RAB28: variants seen among roughly 807,000 people sequenced by gnomAD.
RAB28 encodes RAB28, member RAS oncogene family.
In RAB28, 24 loss-of-function variants were observed where a neutral mutation model predicts 31.7. The observed-to-expected ratio is 0.76, with a 90% CI of 0.55 to 1.06. The LOEUF (loss-of-function observed/expected upper bound fraction) is 1.06. RAB28 is among the 50% of genes least tolerant of loss of function. The probability of loss-of-function intolerance (pLI) is 0.00; values close to 1 mark genes in which losing one functional copy is unlikely to be tolerated. For missense variants in RAB28, 254 were observed against 258.5 expected (o/e 0.98, Z 0.12); for synonymous variants, 100 against 90.4 (o/e 1.11, Z -0.60).
intron 4 of RAB28, among the ~76,000 whole-genome samples, chr4:13,438,455 C>G (rs564257957): frequency 6.6e-6 from 1 of 152,118 alleles, no homozygotes; most frequent in Non-Finnish European, 1.5e-5. Flanking sequence ...TTCTCCTCAG[C>G]CCCAACCTAC....
intron 4 of RAB28, among the ~76,000 whole-genome samples, chr4:13,437,746 G>C (rs73100415): frequency 0.012 from 1,804 of 152,240 alleles, 21 homozygotes; most frequent in African/African-American, 0.04. Flanking sequence ...ATACACTGTT[G>C]TGGGAATGGA....
At chr4:13,393,533 T>C (rs73229654) in intron 4 of RAB28, among the ~76,000 whole-genome samples, 2,095 of 152,286 alleles carry the variant, frequency 0.014, 24 homozygotes, top group Middle Eastern at 0.044. Flanking sequence ...ACCTTACATT[T>C]TCCCTTGTTG....
chr4:13,408,492 T>C (rs906023704), intron 4 of RAB28, among the ~76,000 whole-genome samples: 3 of 152,164 alleles, frequency 2.0e-5, no homozygotes, highest in African/African-American at 7.2e-5. Flanking sequence ...TGTGTGTCTC[T>C]GCCAGGTTTT....
intron 3 of RAB28, among the ~76,000 whole-genome samples, chr4:13,469,447 T>C (rs1288472917): frequency 2.0e-5 from 3 of 152,188 alleles, no homozygotes; most frequent in Non-Finnish European, 4.4e-5. Flanking sequence ...GGAAATCAGA[T>C]TTCAAGTTTA....
At chr4:13,424,579 C>T (rs976510593) in intron 4 of RAB28, among the ~76,000 whole-genome samples, 5 of 152,178 alleles carry the variant, frequency 3.3e-5, no homozygotes, top group African/African-American at 9.7e-5. Flanking sequence ...TTCAACATCT[C>T]TTTTGGAAGG....
At chr4:13,418,547 G>A (rs149320159) in intron 4 of RAB28, among the ~76,000 whole-genome samples, 2,269 of 152,288 alleles carry the variant, frequency 0.015, 26 homozygotes, top group Middle Eastern at 0.048. Flanking sequence ...AGCTAACAGC[G>A]GATCTCTTGG....
chr4:13,453,270 A>C (rs904147068), intron 4 of RAB28, among the ~76,000 whole-genome samples: 4 of 152,170 alleles, frequency 2.6e-5, no homozygotes, highest in African/African-American at 9.7e-5. Context: ...TTTAAATTCA[A>C]AATTATTATT....
chr4:13,417,499 G>A (rs371249100), intron 4 of RAB28, among the ~76,000 whole-genome samples: 56 of 152,250 alleles, frequency 3.7e-4, no homozygotes, highest in South Asian at 3.3e-3. Flanking sequence ...GGGGCCAACC[G>A]ACACCTCGTA....
At chr4:13,419,757 T>G (rs191350782) in intron 4 of RAB28, among the ~76,000 whole-genome samples, 17 of 152,188 alleles carry the variant, frequency 1.1e-4, no homozygotes, top group Non-Finnish European at 1.9e-4. Context: ...AAGCAGTGTG[T>G]AGAGGGAAAT....
At chr4:13,431,540 G>C (rs907420203) in intron 4 of RAB28, among the ~76,000 whole-genome samples, 2 of 152,088 alleles carry the variant, frequency 1.3e-5, no homozygotes, top group Non-Finnish European at 2.9e-5. Flanking sequence ...GAAGAGCTTA[G>C]TGTTAGTCCA....
At chr4:13,471,859 C>T (rs16888698) in intron 3 of RAB28, among the ~76,000 whole-genome samples, 8,503 of 151,946 alleles carry the variant, frequency 0.056, 542 homozygotes, top group African/African-American at 0.16. Flanking sequence ...AGAAAGAAGT[C>T]GATATGTACC....
chr4:13,471,603 G>A (rs1011671234), intron 3 of RAB28, among the ~76,000 whole-genome samples: 21 of 151,860 alleles, frequency 1.4e-4, no homozygotes, highest in Non-Finnish European at 1.8e-4. Context: ...CTGGACTCAC[G>A]TGATCCTCCC....
chr4:13,418,476 G>C (rs1712927413), intron 4 of RAB28, among the ~76,000 whole-genome samples: 1 of 152,082 alleles, frequency 6.6e-6, no homozygotes, highest in African/African-American at 2.4e-5. Context: ...TTGAAATGAA[G>C]GAAAAAATGT....
chr4:13,455,037 G>A (rs900399007), intron 4 of RAB28, among the ~76,000 whole-genome samples: 3 of 152,176 alleles, frequency 2.0e-5, no homozygotes, highest in African/African-American at 7.2e-5. Flanking sequence ...TTTGGTAGGG[G>A]CAGCCCATGG....
intron 4 of RAB28, among the ~76,000 whole-genome samples, chr4:13,394,931 T>C (rs758075144): frequency 6.6e-6 from 1 of 152,190 alleles, no homozygotes; most frequent in African/African-American, 2.4e-5. Flanking sequence ...CATAACAACC[T>C]TGGCGAATAG....
intron 4 of RAB28, among the ~76,000 whole-genome samples, chr4:13,415,839 T>C (rs959431412): frequency 1.3e-5 from 2 of 152,210 alleles, no homozygotes; most frequent in Admixed American, 1.3e-4. Flanking sequence ...TGAAGCCAGC[T>C]GGGCTCCTGA....
chr4:13,383,467 T>C (rs535806996), intron 4 of RAB28, among the ~76,000 whole-genome samples: 132 of 152,260 alleles, frequency 8.7e-4, no homozygotes, highest in Admixed American at 2.4e-3. Context: ...AGTAGTACCA[T>C]TGTTCAATTG....
chr4:13,417,054 G>C (rs1712825933), intron 4 of RAB28, among the ~76,000 whole-genome samples: 1 of 152,226 alleles, frequency 6.6e-6, no homozygotes, highest in Non-Finnish European at 1.5e-5. Flanking sequence ...TTTTCCAATG[G>C]TCTTAGCAAA....
At chr4:13,482,654 T>C (rs1223147903) in intron 1 of RAB28, among the ~76,000 whole-genome samples, 1 of 152,180 alleles carries the variant, frequency 6.6e-6, no homozygotes, top group African/African-American at 2.4e-5. Context: ...TATACAAAAA[T>C]TAATATACTT....
Sources: gnomAD v4.1 joint callset for allele counts (sites outside exome capture counted in the v4.1 genomes callset) on GRCh38, gnomAD v4.1.1 for gene constraint, MANE v1.5 for transcripts, NCBI Gene and HGNC (gene_info 2026-07-23, HGNC 2026-07-21) for gene names.